The following RAB3C variants were observed in gnomAD, a reference collection of about 807,000 sequenced individuals.
The protein encoded by RAB3C is ras-related protein Rab-3C.
A neutral mutation model predicts 26.4 loss-of-function variants in RAB3C; 17 were observed. That is an observed-to-expected ratio of 0.64 (90% CI 0.44 to 0.97). RAB3C has a LOEUF of 0.97. Ranked by LOEUF, RAB3C falls within the 50% of genes least tolerant of loss-of-function variation. The probability of loss-of-function intolerance (pLI) is 0.00; values close to 1 mark genes in which losing one functional copy is unlikely to be tolerated. For missense variants in RAB3C, 242 were observed against 281.9 expected, an observed-to-expected ratio of 0.86 and a Z score of 1.01; for synonymous variants, 91 against 95.9, an observed-to-expected ratio of 0.95 and a Z score of 0.30.
intron 3 of RAB3C, among the ~76,000 whole-genome samples, chr5:58,726,614 A>G (rs1345782973): frequency 6.6e-6 from 1 of 151,988 alleles, no homozygotes; most frequent in East Asian, 1.9e-4. Context: ...GGTAAAGCCT[A>G]AAATATTTTC....
chr5:58,769,262 T>A (rs1317795388), intron 3 of RAB3C, among the ~76,000 whole-genome samples: 2 of 151,998 alleles, frequency 1.3e-5, no homozygotes, highest in African/African-American at 4.8e-5. Context: ...TTCCATTGGA[T>A]GTCCAAGCAG....
chr5:58,752,773 G>A (rs114273017), intron 3 of RAB3C, among the ~76,000 whole-genome samples: 1,545 of 152,152 alleles, frequency 0.01, 8 homozygotes, highest in Non-Finnish European at 0.016. Flanking sequence ...TACCTAAAAT[G>A]CAGATTTTTT....
chr5:58,780,010 A>C (rs975247753), intron 3 of RAB3C, among the ~76,000 whole-genome samples: 4 of 152,092 alleles, frequency 2.6e-5, no homozygotes, highest in African/African-American at 9.7e-5. Flanking sequence ...GTTGGCCCAA[A>C]AGCTTCGGGC....
At chr5:58,584,415 T>G (rs1745969575) in intron 1 of RAB3C, among the ~76,000 whole-genome samples, 1 of 152,218 alleles carries the variant, frequency 6.6e-6, no homozygotes. Flanking sequence ...TTTGATTTGT[T>G]CCAGGGAACA....
intron 3 of RAB3C, among the ~76,000 whole-genome samples, chr5:58,775,613 G>A (rs1742114714): frequency 6.6e-6 from 1 of 152,060 alleles, no homozygotes; most frequent in Non-Finnish European, 1.5e-5. Flanking sequence ...GCTCAGGGTA[G>A]CCAGGCTTTG....
intron 3 of RAB3C, among the ~76,000 whole-genome samples, chr5:58,735,495 T>C (rs1460674848): frequency 6.6e-6 from 1 of 152,194 alleles, no homozygotes; most frequent in Non-Finnish European, 1.5e-5. Context: ...AGGGTTGTTG[T>C]AGCAAAATAC....
chr5:58,624,994 G>A (rs1747022433), intron 2 of RAB3C, among the ~76,000 whole-genome samples: 1 of 152,182 alleles, frequency 6.6e-6, no homozygotes, highest in Non-Finnish European at 1.5e-5. Context: ...AACCCTGTGA[G>A]ATAGATGCTA....
At chr5:58,783,492 G>A (rs938848663) in intron 3 of RAB3C, among the ~76,000 whole-genome samples, 1 of 152,120 alleles carries the variant, frequency 6.6e-6, no homozygotes, top group African/African-American at 2.4e-5. Flanking sequence ...CTTTTATTAG[G>A]ATATATTCTA....
chr5:58,691,772 A>G (rs1257066084), intron 2 of RAB3C, among the ~76,000 whole-genome samples: 1 of 152,204 alleles, frequency 6.6e-6, no homozygotes, highest in East Asian at 1.9e-4. Flanking sequence ...CTTTTGGACT[A>G]GAGTTTATCT....
At chr5:58,615,252 G>C (rs1381394928) in intron 1 of RAB3C, among the ~76,000 whole-genome samples, 1 of 152,144 alleles carries the variant, frequency 6.6e-6, no homozygotes, top group African/African-American at 2.4e-5. Context: ...CAGATAGTAA[G>C]CTATCAGGCC....
intron 2 of RAB3C, among the ~76,000 whole-genome samples, chr5:58,626,403 G>A (rs452321): frequency 0.19 from 28,904 of 151,942 alleles, 3,005 homozygotes; most frequent in Admixed American, 0.28. Context: ...CAACCAAAAT[G>A]TTTAATCTGC....
At chr5:58,814,670 G>A (rs779596806) in intron 3 of RAB3C, 2 of 152,090 alleles carry the variant, frequency 1.3e-5, no homozygotes, top group Non-Finnish European at 2.9e-5. Flanking sequence ...CTTTTCCTAG[G>A]TCAGACTTTC....
At chr5:58,585,075 G>A (rs951563295) in intron 1 of RAB3C, among the ~76,000 whole-genome samples, 12 of 151,932 alleles carry the variant, frequency 7.9e-5, no homozygotes, top group South Asian at 4.1e-4. Context: ...ATTTTTAGTC[G>A]TTGGACTAAG....
intron 2 of RAB3C, among the ~76,000 whole-genome samples, chr5:58,648,681 G>T (rs1747579144): frequency 6.6e-6 from 1 of 152,062 alleles, no homozygotes; most frequent in African/African-American, 2.4e-5. Context: ...CTTTATCAGT[G>T]TAAAATAGAT....
intron 1 of RAB3C, among the ~76,000 whole-genome samples, chr5:58,615,616 A>C (rs1746806695): frequency 6.6e-6 from 1 of 152,124 alleles, no homozygotes; most frequent in Non-Finnish European, 1.5e-5. Context: ...AGTTGACCTT[A>C]GTATGTGGGC....
chr5:58,755,637 A>C (rs1392506193), intron 3 of RAB3C, among the ~76,000 whole-genome samples: 1 of 152,216 alleles, frequency 6.6e-6, no homozygotes, highest in African/African-American at 2.4e-5. Context: ...CAGGGCTTGT[A>C]CTGCGGAAAG....
intron 2 of RAB3C, among the ~76,000 whole-genome samples, chr5:58,693,326 ATATATATGTG>A (rs913442160): frequency 1.1e-4 from 9 of 80,058 alleles, no homozygotes; most frequent in Admixed American, 4.3e-4. Flanking sequence ...AAGAAATTAT[ATATATATGTG>A]TATATATATA....
chr5:58,642,439 A>G (rs1225206664), intron 2 of RAB3C, among the ~76,000 whole-genome samples: 2 of 152,162 alleles, frequency 1.3e-5, no homozygotes, highest in East Asian at 1.9e-4. Flanking sequence ...CACTCTTCCA[A>G]TTTAATGCAG....
chr5:58,662,072 TA>T (rs1408956399), intron 2 of RAB3C, among the ~76,000 whole-genome samples: 16 of 149,966 alleles, frequency 1.1e-4, no homozygotes, highest in African/African-American at 2.0e-4. Flanking sequence ...AGGTCCTTTT[TA>T]ATTTAGTCTT....
Sources: gnomAD v4.1 joint callset for allele counts (sites outside exome capture counted in the v4.1 genomes callset) on GRCh38, gnomAD v4.1.1 for gene constraint, MANE v1.5 for transcripts, NCBI Gene and HGNC (gene_info 2026-07-23, HGNC 2026-07-21) for gene names.